Variants in FANCB observed in about 807,000 individuals in gnomAD.
FANCB encodes FA complementation group B.
Under a neutral mutation model 38.9 loss-of-function variants are expected in FANCB, and 5 were observed. That is an observed-to-expected ratio of 0.13 (90% CI 0.07 to 0.27). The LOEUF (loss-of-function observed/expected upper bound fraction) is 0.27. Ranked by LOEUF, FANCB falls within the 10% of genes least tolerant of loss-of-function variation. FANCB has a pLI of 1.00. For missense variants in FANCB, 573 were observed against 602.7 expected, an observed-to-expected ratio of 0.95 and a Z score of 0.52; for synonymous variants, 236 against 215.4, an observed-to-expected ratio of 1.10 and a Z score of -0.84.
chrX:14,770,596 T>C, the FANCB span, among the ~76,000 whole-genome samples: 15,302 of 111,477 alleles, frequency 0.14, 1,742 homozygotes, highest in African/African-American at 0.37. Flanking sequence ...CAGCTTGCCA[T>C]TCTGTGCGTT....
intron 1 of FANCB, among the ~76,000 whole-genome samples, chrX:14,870,687 G>GC (rs752192613): frequency 1.8e-5 from 2 of 110,922 alleles, no homozygotes; most frequent in East Asian, 2.8e-4. Context: ...ACTCTTTACT[G>GC]CCCCCCCTCT....
At chrX:14,831,164 C>T (rs1422101218), downstream of FANCB, among the ~76,000 whole-genome samples, 1 of 112,115 alleles carries the variant, frequency 8.9e-6, no homozygotes, top group Non-Finnish European at 1.9e-5. Flanking sequence ...AACTGTAATA[C>T]ATTTCATTCA....
the FANCB span, among the ~76,000 whole-genome samples, chrX:14,710,406 T>C: frequency 2.4e-4 from 27 of 111,971 alleles, no homozygotes; most frequent in Non-Finnish European, 4.3e-4. Flanking sequence ...CAGGCCTCTG[T>C]GAACACCATG....
At chrX:14,779,060 G>C in the FANCB span, among the ~76,000 whole-genome samples, 1 of 111,647 alleles carries the variant, frequency 9.0e-6, no homozygotes, top group Non-Finnish European at 1.9e-5. Flanking sequence ...GAGTATAAAA[G>C]TCCAACTCCT....
At chrX:14,720,029 A>G in the FANCB span, among the ~76,000 whole-genome samples, 1 of 111,655 alleles carries the variant, frequency 9.0e-6, no homozygotes, top group Non-Finnish European at 1.9e-5. Flanking sequence ...TGGTTACTAG[A>G]GGAAGAGAAG....
the FANCB span, among the ~76,000 whole-genome samples, chrX:14,767,484 ATCT>A: frequency 1.8e-5 from 2 of 110,620 alleles, no homozygotes; most frequent in Non-Finnish European, 3.8e-5. Context: ...CCCCATGTAC[ATCT>A]TCTTATGAGC....
the FANCB span, among the ~76,000 whole-genome samples, chrX:14,766,345 G>C: frequency 9.0e-6 from 1 of 111,626 alleles, no homozygotes; most frequent in Non-Finnish European, 1.9e-5. Context: ...CAGAGTGCCA[G>C]GTGTTTTGGG....
At chrX:14,818,541 T>A in the FANCB span, among the ~76,000 whole-genome samples, 1 of 110,487 alleles carries the variant, frequency 9.1e-6, no homozygotes, top group Non-Finnish European at 1.9e-5. Context: ...TAGAAAATAT[T>A]AAAAATTGAG....
the FANCB span, among the ~76,000 whole-genome samples, chrX:14,756,846 G>A: frequency 1.8e-5 from 2 of 111,697 alleles, no homozygotes; most frequent in Non-Finnish European, 3.8e-5. Flanking sequence ...CTGTAATGAC[G>A]GTCTCAAGTA....
At chrX:14,698,151 ATTT>A in the FANCB span, among the ~76,000 whole-genome samples, 1 of 111,451 alleles carries the variant, frequency 9.0e-6, no homozygotes, top group Admixed American at 9.5e-5. Flanking sequence ...ATCCTGTTTT[ATTT>A]TTTATTTAAT....
chrX:14,779,188 A>G, the FANCB span, among the ~76,000 whole-genome samples: 2 of 112,298 alleles, frequency 1.8e-5, no homozygotes, highest in East Asian at 5.6e-4. Context: ...CTGTTTCCCT[A>G]ACTCCTTCAC....
the FANCB span, among the ~76,000 whole-genome samples, chrX:14,695,698 T>G: frequency 8.9e-6 from 1 of 112,065 alleles, no homozygotes; most frequent in Non-Finnish European, 1.9e-5. Flanking sequence ...ATGACTATGG[T>G]TGCTAGCCAA....
chrX:14,761,294 T>C, the FANCB span, among the ~76,000 whole-genome samples: 1 of 111,291 alleles, frequency 9.0e-6, no homozygotes, highest in Non-Finnish European at 1.9e-5. Flanking sequence ...TGAGCTACCA[T>C]GCCCCACCTA....
At chrX:14,805,033 G>C in the FANCB span, among the ~76,000 whole-genome samples, 3 of 111,806 alleles carry the variant, frequency 2.7e-5, no homozygotes, top group Non-Finnish European at 5.6e-5. Flanking sequence ...CCAAGCTCCA[G>C]TCCTGATTTT....
At chrX:14,802,412 C>G in the FANCB span, among the ~76,000 whole-genome samples, 1 of 111,810 alleles carries the variant, frequency 8.9e-6, no homozygotes, top group Non-Finnish European at 1.9e-5. Context: ...GAGGGAAAGC[C>G]TTGGAAGCTA....
At chrX:14,834,291 T>C (rs1297455990), downstream of FANCB, among the ~76,000 whole-genome samples, 4 of 111,755 alleles carry the variant, frequency 3.6e-5, no homozygotes, top group Admixed American at 3.8e-4. Flanking sequence ...TGGAGTTCCA[T>C]CTTTAAAAAC....
chrX:14,847,139 A>G (rs1688151662), intron 7 of FANCB, among the ~76,000 whole-genome samples: 1 of 110,940 alleles, frequency 9.0e-6, no homozygotes, highest in East Asian at 2.8e-4. Context: ...AAACAAGATT[A>G]GCAATGAGTT....
At chrX:14,802,730 T>C in the FANCB span, among the ~76,000 whole-genome samples, 1 of 111,821 alleles carries the variant, frequency 8.9e-6, no homozygotes, top group Non-Finnish European at 1.9e-5. Flanking sequence ...GAAGCCAAAG[T>C]CTTGGATAAC....
the FANCB span, among the ~76,000 whole-genome samples, chrX:14,733,930 T>C: frequency 8.9e-6 from 1 of 112,479 alleles, no homozygotes; most frequent in Non-Finnish European, 1.9e-5. Flanking sequence ...GTTTTATTTT[T>C]TAATTAAACA....
Sources: gnomAD v4.1 joint callset for allele counts (sites outside exome capture counted in the v4.1 genomes callset) on GRCh38, gnomAD v4.1.1 for gene constraint, MANE v1.5 for transcripts, NCBI Gene and HGNC (gene_info 2026-07-23, HGNC 2026-07-21) for gene names.